Variants in NAALADL2 observed in about 807,000 individuals in gnomAD.
The protein encoded by NAALADL2 is N-acetylated alpha-linked acidic dipeptidase like 2.
A neutral mutation model predicts 87.2 loss-of-function variants in NAALADL2; 76 were observed. The ratio of observed to expected loss-of-function variants is 0.87; its 90% confidence interval spans 0.72 to 1.05. The LOEUF (loss-of-function observed/expected upper bound fraction) is 1.05. Among genes scored for constraint, NAALADL2 ranks in the 50% least tolerant of loss-of-function variants. NAALADL2 has a pLI of 0.00. For missense variants in NAALADL2, 1,089 were observed against 945.8 expected, an observed-to-expected ratio of 1.15 and a Z score of -1.99; for synonymous variants, 354 against 331.0, an observed-to-expected ratio of 1.07 and a Z score of -0.75.
chr3:175,565,911 C>A (rs539768785), intron 9 of NAALADL2, among the ~76,000 whole-genome samples: 9 of 141,336 alleles, frequency 6.4e-5, no homozygotes, highest in Admixed American at 4.0e-4. Context: ...CTCACCGCAA[C>A]CTTCGCCTCC....
chr3:175,090,919 G>T (rs972110407), intron 1 of NAALADL2, among the ~76,000 whole-genome samples: 2 of 151,740 alleles, frequency 1.3e-5, no homozygotes, highest in Non-Finnish European at 2.9e-5. Context: ...AATTCTTGAT[G>T]CATTTACAGA....
At chr3:175,718,765 A>T (rs1741763027) in intron 11 of NAALADL2, 2 of 898,966 alleles carry the variant, frequency 2.2e-6, no homozygotes, top group Non-Finnish European at 3.3e-6. Context: ...GTCTCTACAA[A>T]TGTATTTAAA....
At position 175,344,768 on chromosome 3, in the gene NAALADL2, TATTA is replaced by T. The variant is rs1762950965; in HGVS notation, c.1090+20447_1090+20450del. Among the ~76,000 whole-genome samples the T allele has an allele frequency of 2.0e-5, 3 of 152,172 alleles. No homozygotes were observed. In the South Asian group the frequency reaches 6.2e-4, roughly 31 times the overall value. ...AAACGTTTCAAGATTACAACTTTCA[TATTA>T]ATTTTTTATCATTTGATGTCAATTC... is the stretch of plus-strand genomic sequence containing the variant. On this transcript the variant is annotated intron_variant, in intron 5 of 13. Coordinates refer to ENST00000454872, the MANE Select transcript of NAALADL2 (RefSeq NM_207015.3).
At chr3:174,920,698 C>G (rs191604325) in intron 1 of NAALADL2, among the ~76,000 whole-genome samples, 1 of 152,202 alleles carries the variant, frequency 6.6e-6, no homozygotes, top group Non-Finnish European at 1.5e-5. Flanking sequence ...CTTTGCATTC[C>G]CATCTTAGCT....
At chr3:175,729,830 G>A (rs540142592) in intron 11 of NAALADL2, among the ~76,000 whole-genome samples, 6 of 140,326 alleles carry the variant, frequency 4.3e-5, no homozygotes, top group Admixed American at 2.2e-4. Context: ...ATGGTAACAT[G>A]TAAAACAGGT....
intron 1 of NAALADL2, among the ~76,000 whole-genome samples, chr3:174,517,160 AAC>A (rs1036457244): frequency 2.4e-4 from 37 of 151,990 alleles, no homozygotes; most frequent in Admixed American, 5.2e-4. Context: ...AGAGAAAATT[AAC>A]ACAGTTTTAT....
chr3:174,843,780 C>T (rs555585218), intron 3 of NAALADL2, among the ~76,000 whole-genome samples: 1 of 151,832 alleles, frequency 6.6e-6, no homozygotes, highest in African/African-American at 2.4e-5. Context: ...TGATGAATAG[C>T]GATGTTGAGT....
chr3:174,469,794 T>C (rs933139699), intron 1 of NAALADL2, among the ~76,000 whole-genome samples: 7 of 152,128 alleles, frequency 4.6e-5, no homozygotes, highest in Non-Finnish European at 1.0e-4. Flanking sequence ...TGTGTATGTG[T>C]GTGTGTGTTT....
intron 2 of NAALADL2, among the ~76,000 whole-genome samples, chr3:175,111,403 ACT>A (rs995075974): frequency 4.0e-5 from 6 of 151,546 alleles, no homozygotes; most frequent in African/African-American, 1.4e-4. Context: ...TATTAATATA[ACT>A]CTGTCATAGG....
At chr3:175,013,588 T>C (rs903276782) in intron 1 of NAALADL2, among the ~76,000 whole-genome samples, 3 of 151,902 alleles carry the variant, frequency 2.0e-5, no homozygotes, top group Admixed American at 6.6e-5. Flanking sequence ...AATGAACCAC[T>C]GTACCAGGCC....
At chr3:175,096,495 CGTGTGTGTGTGTGTGTGTGTGT>C (rs3067035) in intron 1 of NAALADL2, among the ~76,000 whole-genome samples, 24 of 143,228 alleles carry the variant, frequency 1.7e-4, no homozygotes, top group African/African-American at 5.7e-4. Context: ...ATTAATGGGG[CGTGTGTGTGTGTGTGTGTGTGT>C]GTGTGTGTGT....
At chr3:175,154,629 G>A (rs11706493) in intron 2 of NAALADL2, among the ~76,000 whole-genome samples, 67,746 of 151,900 alleles carry the variant, frequency 0.45, 15,266 homozygotes, top group African/African-American at 0.49. Flanking sequence ...AATATCACAG[G>A]TTTTTAAAGC....
At chr3:174,704,260 C>T (rs746523801) in intron 2 of NAALADL2, among the ~76,000 whole-genome samples, 3 of 152,078 alleles carry the variant, frequency 2.0e-5, no homozygotes, top group Non-Finnish European at 4.4e-5. Context: ...GAAATAATTG[C>T]TTATAGCTTC....
At chr3:174,798,004 C>T (rs1031488144) in intron 3 of NAALADL2, among the ~76,000 whole-genome samples, 2 of 148,700 alleles carry the variant, frequency 1.3e-5, no homozygotes, top group South Asian at 2.1e-4. Context: ...ACATTTATGT[C>T]TGTGATCTAT....
intron 2 of NAALADL2, among the ~76,000 whole-genome samples, chr3:175,232,144 G>A (rs926829765): frequency 2.6e-5 from 4 of 151,706 alleles, no homozygotes; most frequent in African/African-American, 2.4e-5. Flanking sequence ...AGAGGAAGAG[G>A]AAGAGGAAGA....
At chr3:175,410,869 C>T (rs1173739016) in intron 5 of NAALADL2, among the ~76,000 whole-genome samples, 1 of 152,146 alleles carries the variant, frequency 6.6e-6, no homozygotes, top group African/African-American at 2.4e-5. Flanking sequence ...GACAGACGCC[C>T]TCTTTTTTGC....
At chr3:174,735,773 A>T (rs1428862846) in intron 2 of NAALADL2, among the ~76,000 whole-genome samples, 2 of 152,070 alleles carry the variant, frequency 1.3e-5, no homozygotes, top group Non-Finnish European at 2.9e-5. Flanking sequence ...CTGTTCCAGG[A>T]TCCTCAGGGT....
chr3:174,489,423 G>T (rs1404620301), intron 1 of NAALADL2, among the ~76,000 whole-genome samples: 2 of 151,730 alleles, frequency 1.3e-5, no homozygotes, highest in African/African-American at 4.8e-5. Context: ...CATGACCTTG[G>T]GCTCTGTGAT....
chr3:174,507,013 A>G (rs1719246284), intron 1 of NAALADL2, among the ~76,000 whole-genome samples: 1 of 151,776 alleles, frequency 6.6e-6, no homozygotes, highest in South Asian at 2.1e-4. Context: ...TCCTCTCAAT[A>G]TCTGTTTATC....
Sources: allele counts gnomAD v4.1 joint callset (sites outside exome capture counted in the v4.1 genomes callset), GRCh38; gene constraint gnomAD v4.1.1; transcripts MANE v1.5; gene names NCBI Gene and HGNC (gene_info 2026-07-23, HGNC 2026-07-21).